Variants in MTMR9 observed in about 807,000 individuals in gnomAD.
MTMR9 encodes the protein myotubularin related protein 9, also known as myotubularin-related protein 9.
MTMR9 carries 39 observed loss-of-function variants against 69.5 expected under a neutral mutation model. The ratio of observed to expected loss-of-function variants is 0.56; its 90% CI spans 0.43 to 0.73. The LOEUF (loss-of-function observed/expected upper bound fraction) is 0.73, where lower values mean the gene tolerates loss of function less well. Ranked by LOEUF, MTMR9 falls within the 30% of genes least tolerant of loss-of-function variation. The pLI is 0.00. For missense variants in MTMR9, 900 were observed against 671.2 expected (o/e 1.34, Z -3.77); for synonymous variants, 354 against 240.8 (o/e 1.47, Z -4.35).
chr8:11,331,166 C>A, downstream of MTMR9: 1 of 1,612,910 alleles, frequency 6.2e-7, no homozygotes. Flanking sequence ...CGCCGCCCTC[C>A]GCTCCACCCA....
At chr8:11,304,365 T>A (rs963556241) in intron 3 of MTMR9, among the ~76,000 whole-genome samples, 1 of 152,170 alleles carries the variant, frequency 6.6e-6, no homozygotes, top group African/African-American at 2.4e-5. Context: ...ACTTGTGCTT[T>A]AAGAGGATCA....
intron 1 of MTMR9, among the ~76,000 whole-genome samples, chr8:11,289,320 C>A (rs1483265914): frequency 1.3e-5 from 2 of 152,184 alleles, no homozygotes. Context: ...TTCAGTTCTG[C>A]CTCTTACTAG....
chr8:11,296,041 G>A (rs1799546740), intron 2 of MTMR9, among the ~76,000 whole-genome samples: 1 of 151,982 alleles, frequency 6.6e-6, no homozygotes, highest in South Asian at 2.1e-4. Flanking sequence ...AATAAATACA[G>A]TTCTAAAAAT....
intron 1 of MTMR9, among the ~76,000 whole-genome samples, chr8:11,293,473 C>G (rs1446735766): frequency 1.3e-5 from 2 of 152,082 alleles, no homozygotes; most frequent in Non-Finnish European, 2.9e-5. Flanking sequence ...TGATGAAGTC[C>G]TCAATAGCCT....
intron 5 of MTMR9, 57 bp downstream of exon 5, chr8:11,306,464 G>A (rs1799945385): frequency 1.4e-6 from 2 of 1,472,426 alleles, no homozygotes; most frequent in Admixed American, 1.8e-5. Context: ...TAGTGGGTAA[G>A]GCCTTAGCCA....
At position 11,323,678 on chromosome 8, in the gene MTMR9, A is replaced by G. The variant is rs964589238; in HGVS notation, c.*890A>G. ...AACCAGAGATGCACTGCCCTTGTCT[A>G]AAGTTCTTATTGCACTGGTTTATAT... is the stretch of plus-strand genomic sequence containing the variant. On this transcript the variant is annotated 3_prime_UTR_variant, in exon 10 of 10. Coordinates refer to ENST00000221086, the MANE Select transcript of MTMR9 (RefSeq NM_015458.4). 6 of 152,232 alleles carry G rather than the reference A, an allele frequency of 3.9e-5. No homozygotes were observed. The highest frequency in any genetic ancestry group is 8.8e-5 in the Non-Finnish European group (6 of 68,034). The allele number at this position is 152,232 out of a possible 1,614,324, so 9.4% of individuals were successfully genotyped here.
At chr8:11,309,383 C>T in intron 5 of MTMR9, 144 bp from the exon 6 acceptor site, 7 of 700,070 alleles carry the variant, frequency 1.0e-5, no homozygotes, top group Non-Finnish European at 1.6e-5. Flanking sequence ...AACCTTTAAT[C>T]CTCAAATTAT....
chr8:11,336,384 A>G, the MTMR9 span, among the ~76,000 whole-genome samples: 245 of 152,360 alleles, frequency 1.6e-3, 2 homozygotes, highest in Middle Eastern at 0.017. Flanking sequence ...GGCTGTGTCA[A>G]CGTGTCCACC....
chr8:11,333,190 G>C, the MTMR9 span, among the ~76,000 whole-genome samples: 149 of 152,206 alleles, frequency 9.8e-4, no homozygotes, highest in African/African-American at 3.5e-3. Context: ...AACTCAAAGA[G>C]ATTCATACCA....
At chr8:11,322,582 A>G (rs1232833717) in intron 9 of MTMR9, 43 bp from the exon 10 acceptor site, 3 of 1,551,124 alleles carry the variant, frequency 1.9e-6, no homozygotes, top group South Asian at 2.2e-5. Flanking sequence ...AATCCATTGT[A>G]TATACCTTTC....
intron 2 of MTMR9, among the ~76,000 whole-genome samples, chr8:11,297,627 G>A (rs11995870): frequency 6.6e-6 from 1 of 151,866 alleles, no homozygotes; most frequent in Admixed American, 6.6e-5. Flanking sequence ...TGACTGGCTG[G>A]TTGGTGTCAG....
chr8:11,305,177 G>T (rs184268170), intron 4 of MTMR9, among the ~76,000 whole-genome samples, 163 bp downstream of exon 4: 1 of 152,136 alleles, frequency 6.6e-6, no homozygotes, highest in Non-Finnish European at 1.5e-5. Context: ...GGAGTAGGGT[G>T]TTTTCTGTGG....
chr8:11,294,470 A>G (rs547798882), intron 1 of MTMR9, among the ~76,000 whole-genome samples: 349 of 146,954 alleles, frequency 2.4e-3, no homozygotes, highest in Middle Eastern at 7.4e-3. Flanking sequence ...TAAATCAGAA[A>G]TGGATGTTAG....
In MTMR9 at chr8:11,309,618, G is replaced by C; in HGVS notation, c.901G>C (p.Ala301Pro). 1 of 1,613,920 alleles carries C rather than the reference G, an allele frequency of 6.2e-7. No homozygotes were observed. Among genetic ancestry groups the C allele is most frequent in the Non-Finnish European group, 8.5e-7 (1 of 1,179,872 alleles). The part of the protein sequence containing the change: ...NMDRWLSKLE[A>P]SNWLTHIKEI... Reference sequence around the variant, plus strand: ...GGACCGATGGCTCAGTAAATTGGAGGCCTCTAACTGGCTGACTCACATCAA... The same window carrying C: ...GGACCGATGGCTCAGTAAATTGGAGCCCTCTAACTGGCTGACTCACATCAA... The change falls in exon 6 of 10, where the codon GCC becomes CCC. Residue 301 changes from alanine (A) to proline (P), a missense_variant. Physicochemically the swap from Ala to Pro is conservative, Grantham distance 27. Transcript: ENST00000221086.
chr8:11,337,434 C>G, the MTMR9 span, among the ~76,000 whole-genome samples: 1 of 152,222 alleles, frequency 6.6e-6, no homozygotes, highest in Non-Finnish European at 1.5e-5. Flanking sequence ...ATCAAATTGG[C>G]AGGGCCCTGA....
At chr8:11,337,320 A>G in the MTMR9 span, among the ~76,000 whole-genome samples, 1 of 152,224 alleles carries the variant, frequency 6.6e-6, no homozygotes. Flanking sequence ...GTCATGATGC[A>G]TCACTGCACT....
intron 7 of MTMR9, among the ~76,000 whole-genome samples, chr8:11,315,352 G>A (rs1464165861): frequency 6.6e-6 from 1 of 152,118 alleles, no homozygotes; most frequent in Non-Finnish European, 1.5e-5. Flanking sequence ...CCAGAAGCTG[G>A]GTCTTGACGG....
chr8:11,331,211 T>C, downstream of MTMR9: 1 of 1,613,972 alleles, frequency 6.2e-7, no homozygotes, highest in Non-Finnish European at 8.5e-7. Context: ...AGCCCTCTGG[T>C]GCCACCAATG....
intron 1 of MTMR9, among the ~76,000 whole-genome samples, chr8:11,288,970 C>T (rs888812988): frequency 2.0e-5 from 3 of 152,030 alleles, no homozygotes; most frequent in Non-Finnish European, 2.9e-5. Context: ...GTCAGGAGTT[C>T]GACACAGCCT....
Sources: allele counts gnomAD v4.1 joint callset (sites outside exome capture counted in the v4.1 genomes callset), GRCh38; gene constraint gnomAD v4.1.1; transcripts MANE v1.5; gene names NCBI Gene and HGNC (gene_info 2026-07-23, HGNC 2026-07-21).